Variants in HDX observed in about 807,000 individuals in gnomAD.
The protein encoded by HDX is highly divergent homeobox.
In HDX, 19 loss-of-function variants were observed where a neutral mutation model predicts 45.2. The observed-to-expected ratio is 0.42, with a 90% confidence interval of 0.29 to 0.62. HDX has a LOEUF of 0.62. Among genes scored for constraint, HDX ranks in the 20% least tolerant of loss-of-function variants. The pLI is 0.20. For synonymous variants in HDX, 188 were observed against 172.8 expected, an observed-to-expected ratio of 1.09 and a Z score of -0.69; for missense variants, 532 against 493.9, an observed-to-expected ratio of 1.08 and a Z score of -0.73.
At chrX:84,492,399 T>A (rs1029145243) in intron 1 of HDX, among the ~76,000 whole-genome samples, 2 of 110,223 alleles carry the variant, frequency 1.8e-5, no homozygotes, top group Non-Finnish European at 3.8e-5. Flanking sequence ...AGTGGTGGAG[T>A]GGGAATGCTT....
chrX:84,415,482 T>A (rs1364239955), intron 5 of HDX, among the ~76,000 whole-genome samples: 1 of 111,806 alleles, frequency 8.9e-6, no homozygotes, highest in Non-Finnish European at 1.9e-5. Context: ...GGTACCATAA[T>A]TAGGGAGTAC....
intron 5 of HDX, among the ~76,000 whole-genome samples, chrX:84,398,176 C>T (rs2038611177): frequency 9.1e-6 from 1 of 110,487 alleles, no homozygotes; most frequent in Non-Finnish European, 1.9e-5. Flanking sequence ...AACTAGTGTG[C>T]AAAATAACCA....
intron 9 of HDX, among the ~76,000 whole-genome samples, chrX:84,330,782 A>G (rs2036826692): frequency 8.9e-6 from 1 of 112,108 alleles, no homozygotes; most frequent in Non-Finnish European, 1.9e-5. Context: ...GCAATGTTTG[A>G]AAAATATAAA....
chrX:84,455,288 A>T (rs2148103342), intron 4 of HDX, among the ~76,000 whole-genome samples: 1 of 112,203 alleles, frequency 8.9e-6, no homozygotes, highest in Admixed American at 9.4e-5. Context: ...AATTCAAAAT[A>T]GTTGTTTTGA....
chrX:84,412,018 G>T (rs960116301), intron 5 of HDX, among the ~76,000 whole-genome samples: 1 of 111,291 alleles, frequency 9.0e-6, no homozygotes, highest in Non-Finnish European at 1.9e-5. Flanking sequence ...TTGCTTGGTA[G>T]ATTTTTATCC....
chrX:84,361,130 GTTTT>G (rs2037612651), intron 6 of HDX, among the ~76,000 whole-genome samples: 1 of 111,570 alleles, frequency 9.0e-6, no homozygotes, highest in African/African-American at 3.3e-5. Context: ...GCAACTTGTG[GTTTT>G]TATTTTCATT....
intron 5 of HDX, among the ~76,000 whole-genome samples, chrX:84,409,791 G>C (rs1208689815): frequency 9.4e-6 from 1 of 106,118 alleles, no homozygotes; most frequent in Non-Finnish European, 1.9e-5. Context: ...GTTAATGGGT[G>C]CAGCACACCA....
At chrX:84,493,559 T>C (rs2040937535) in intron 1 of HDX, among the ~76,000 whole-genome samples, 1 of 112,087 alleles carries the variant, frequency 8.9e-6, no homozygotes, top group Admixed American at 9.5e-5. Context: ...GGGACATATA[T>C]GTCTATAGCT....
chrX:84,417,218 G>GAGAAAGAAAGAAAGAAAGAA (rs1556012085), intron 5 of HDX, among the ~76,000 whole-genome samples: 72 of 100,295 alleles, frequency 7.2e-4, no homozygotes, highest in South Asian at 2.0e-3. Context: ...AAAAAAAAGA[G>GAGAAAGAAAGAAAGAAAGAA]AGAAAGAAAG....
intron 5 of HDX, among the ~76,000 whole-genome samples, chrX:84,418,663 C>A (rs1034542806): frequency 9.0e-6 from 1 of 111,309 alleles, no homozygotes; most frequent in African/African-American, 3.3e-5. Flanking sequence ...TAAAAAGAGT[C>A]CAGTAAGCTT....
chrX:84,407,505 G>A (rs2038859850), intron 5 of HDX, among the ~76,000 whole-genome samples: 1 of 111,218 alleles, frequency 9.0e-6, no homozygotes, highest in Admixed American at 9.6e-5. Context: ...ATTGTGAAGA[G>A]TGCTGCAATG....
intron 5 of HDX, among the ~76,000 whole-genome samples, chrX:84,433,225 G>A (rs2039546508): frequency 9.0e-6 from 1 of 111,090 alleles, no homozygotes; most frequent in Admixed American, 9.6e-5. Flanking sequence ...AGGTCTTATT[G>A]ATAAAATGTT....
rs773671201 is a variant in HDX, at chrX:84,433,583, C to G, written c.1305+6949G>C. 8.9e-5 allele frequency among the ~76,000 whole-genome samples: 10 copies of G among 111,799 alleles called. No individual in the cohort carries two copies. The South Asian group carries it at 3.7e-3, about 41-fold the overall frequency. ...TATCAAAACCATACTTTTGTGGTGA[C>G]TACAGCTTTGTAGCATATTTTGACG... is the stretch of plus-strand genomic sequence containing the variant. On this transcript the variant is annotated intron_variant, in intron 5 of 10. Coordinates refer to ENST00000373177, the MANE Select transcript of HDX (RefSeq NM_001177479.2).
chrX:84,331,154 C>T (rs1187340345), intron 9 of HDX, among the ~76,000 whole-genome samples: 1 of 111,311 alleles, frequency 9.0e-6, no homozygotes, highest in Non-Finnish European at 1.9e-5. Context: ...GTTACTCTTG[C>T]CTCAGGTACT....
chrX:84,349,403 ATGTGTGTGTGTG>A (rs58864600), intron 6 of HDX, among the ~76,000 whole-genome samples: 92 of 68,490 alleles, frequency 1.3e-3, no homozygotes, highest in African/African-American at 4.9e-3. Flanking sequence ...ATATATATAT[ATGTGTGTGTGTG>A]TGTGTGTGTG....
At chrX:84,350,582 C>T (rs182759688) in intron 6 of HDX, among the ~76,000 whole-genome samples, 5 of 111,398 alleles carry the variant, frequency 4.5e-5, no homozygotes, top group Admixed American at 9.5e-5. Flanking sequence ...ATACAGTGTC[C>T]CACTTTGTCC....
intron 5 of HDX, among the ~76,000 whole-genome samples, chrX:84,393,530 G>T (rs951063816): frequency 1.8e-5 from 2 of 110,665 alleles, no homozygotes; most frequent in Non-Finnish European, 3.8e-5. Flanking sequence ...TAGTAATGCT[G>T]GCATTATAAA....
intron 2 of HDX, among the ~76,000 whole-genome samples, chrX:84,479,490 G>T (rs1017616467): frequency 4.5e-5 from 5 of 112,178 alleles, no homozygotes; most frequent in African/African-American, 1.6e-4. Context: ...GTTCTTGGCT[G>T]TTATGAATAA....
chrX:84,408,810 A>G (rs1053300023), intron 5 of HDX, among the ~76,000 whole-genome samples: 1 of 109,826 alleles, frequency 9.1e-6, no homozygotes, highest in Non-Finnish European at 1.9e-5. Flanking sequence ...TAGGTATTTT[A>G]ATCATTTTCT....
Sources: allele counts gnomAD v4.1 joint callset (sites outside exome capture counted in the v4.1 genomes callset), GRCh38; gene constraint gnomAD v4.1.1; transcripts MANE v1.5; gene names NCBI Gene and HGNC (gene_info 2026-07-23, HGNC 2026-07-21).